The following INPP5A variants were observed in gnomAD, a reference collection of about 807,000 sequenced individuals.
The protein encoded by INPP5A is inositol polyphosphate-5-phosphatase A.
A neutral mutation model predicts 65.2 loss-of-function variants in INPP5A; 14 were observed. The observed-to-expected ratio is 0.21, with a 90% CI of 0.14 to 0.34. The LOEUF (loss-of-function observed/expected upper bound fraction) is 0.34, where lower values mean the gene tolerates loss of function less well. INPP5A is among the 10% of genes least tolerant of loss of function. The pLI is 1.00. For missense variants in INPP5A, 431 were observed against 545.6 expected (o/e 0.79, Z 2.09); for synonymous variants, 207 against 208.3 (o/e 0.99, Z 0.05).
intron 1 of INPP5A, among the ~76,000 whole-genome samples, chr10:132,559,336 T>G (rs1012917364): frequency 6.6e-6 from 1 of 152,242 alleles, no homozygotes; most frequent in African/African-American, 2.4e-5. Context: ...GTTGGCTGCA[T>G]TTATTGTTGT....
chr10:132,565,649 ATG>A (rs1261022647), intron 1 of INPP5A, among the ~76,000 whole-genome samples: 1 of 150,884 alleles, frequency 6.6e-6, no homozygotes, highest in African/African-American at 2.4e-5. Flanking sequence ...GTATATGTGT[ATG>A]TGTGTATGTG....
At chr10:132,743,771 G>T (rs1427538044) in intron 9 of INPP5A, among the ~76,000 whole-genome samples, 1 of 152,174 alleles carries the variant, frequency 6.6e-6, no homozygotes, top group Non-Finnish European at 1.5e-5. Context: ...GAGCGCAGAC[G>T]TTACCCTCCC....
In INPP5A at chr10:132,644,531, G is replaced by T. The variant is rs1367081369; in HGVS notation, c.118-1337G>T. ...ACCGTGGCCGCTGGGCTCCTGGGAGGTGGGCCATGCCCACAGCTCCACCTG... is the reference window on the plus strand; with the variant it reads ...ACCGTGGCCGCTGGGCTCCTGGGAGTTGGGCCATGCCCACAGCTCCACCTG... On this transcript the variant is annotated intron_variant, in intron 2 of 15. Transcript: ENST00000368594. The surrounding 1 kb of genome is among the most constrained non-coding windows in gnomAD (Gnocchi z 6.5). Among the ~76,000 whole-genome samples, 5 of 152,254 alleles carry T rather than the reference G, an allele frequency of 3.3e-5. No individual in the cohort carries two copies. The highest frequency in any genetic ancestry group is 1.2e-4 in the African/African-American group (5 of 41,466).
In INPP5A at chr10:132,705,543, G is replaced by A. The variant is rs562263884; in HGVS notation, c.475-2770G>A. On this transcript the variant is annotated intron_variant, in intron 6 of 15. Coordinates refer to ENST00000368594, the MANE Select transcript of INPP5A (RefSeq NM_005539.5). This position sits in a 1 kb window ranked among gnomAD's most constrained non-coding sequence, Gnocchi z 4.9. ...TCGACGAGTAGAGCCATAGCCTGGC[G>A]TCCAAGTGCGTGGCCAGGCCGGGAG... Among the ~76,000 whole-genome samples the A allele has an allele frequency of 3.0e-4, 45 of 152,384 alleles. No homozygotes were observed. Among genetic ancestry groups the A allele is most frequent in the Non-Finnish European group, 4.9e-4 (33 of 68,040 alleles).
At chr10:132,717,228 T>C (rs1023596410) in intron 8 of INPP5A, among the ~76,000 whole-genome samples, 3 of 152,338 alleles carry the variant, frequency 2.0e-5, no homozygotes, top group African/African-American at 7.2e-5. Context: ...CCCTTCCTCT[T>C]GCATCAGGGC....
chr10:132,591,102 T>A (rs1328218344), intron 1 of INPP5A, among the ~76,000 whole-genome samples: 3 of 152,216 alleles, frequency 2.0e-5, no homozygotes, highest in African/African-American at 7.2e-5. Flanking sequence ...CCTTTGCCCG[T>A]TTTTCCATCA....
intron 13 of INPP5A, 65 bp from the exon 14 acceptor site, chr10:132,780,784 C>A: frequency 7.8e-7 from 1 of 1,286,996 alleles, no homozygotes; most frequent in East Asian, 2.3e-5. Context: ...TCCTGCCAGT[C>A]AGCTCCCAAC....
chr10:132,744,608 T>C (rs1417663213), intron 9 of INPP5A, among the ~76,000 whole-genome samples: 1 of 152,240 alleles, frequency 6.6e-6, no homozygotes, highest in Non-Finnish European at 1.5e-5. Flanking sequence ...AAGAACGCAC[T>C]AGAATCTGCC....
At chr10:132,607,545 C>A (rs1487433588) in intron 1 of INPP5A, among the ~76,000 whole-genome samples, 3 of 152,244 alleles carry the variant, frequency 2.0e-5, no homozygotes, top group African/African-American at 7.2e-5. Context: ...AAAGGTGCCA[C>A]CGTCTTGCTT....
intron 1 of INPP5A, among the ~76,000 whole-genome samples, chr10:132,562,431 C>G (rs2071218508): frequency 6.6e-6 from 1 of 152,232 alleles, no homozygotes; most frequent in Admixed American, 6.5e-5. Context: ...GTGGCTCCCC[C>G]CATGAGGTGC....
chr10:132,651,506 G>A lies in INPP5A; in HGVS notation c.306+1001G>A, dbSNP rs1024893687. 1.3e-5 allele frequency among the ~76,000 whole-genome samples: 2 copies of A among 151,828 alleles called. No homozygotes were observed. The highest frequency in any genetic ancestry group is 2.9e-5 in the Non-Finnish European group (2 of 67,898). On this transcript the variant is annotated intron_variant, in intron 4 of 15. Coordinates refer to ENST00000368594, the MANE Select transcript of INPP5A (RefSeq NM_005539.5). The surrounding 1 kb of genome is among the most constrained non-coding windows in gnomAD (Gnocchi z 5.0). ...TCTCTGGGGAGGCCCTGGGTCCCCCGGCCTGGTTCCATCTCCCCCGTCTCT... is the reference window on the plus strand; with the variant it reads ...TCTCTGGGGAGGCCCTGGGTCCCCCAGCCTGGTTCCATCTCCCCCGTCTCT...
At chr10:132,615,888 G>A (rs1383197461) in intron 2 of INPP5A, among the ~76,000 whole-genome samples, 1 of 152,170 alleles carries the variant, frequency 6.6e-6, no homozygotes, top group Non-Finnish European at 1.5e-5. Context: ...CTGGGCGGCT[G>A]GGATAAACAA....
At chr10:132,617,435 C>T (rs1181367823) in intron 2 of INPP5A, among the ~76,000 whole-genome samples, 1 of 152,198 alleles carries the variant, frequency 6.6e-6, no homozygotes, top group African/African-American at 2.4e-5. Context: ...CTCACACTCA[C>T]ACACGCTCAC....
In INPP5A at chr10:132,566,428, C is replaced by T. The variant is rs562231864; in HGVS notation, c.75+28257C>T. Among the ~76,000 whole-genome samples the T allele has an allele frequency of 7.9e-5, 12 of 152,228 alleles. No homozygotes were observed. The South Asian group carries it at 1.9e-3, about 24-fold the overall frequency. ...ACGGAGGCCCGACAGAAGGTGGCAC[C>T]GTGAAAACAGCTGTGCAGTTGTCTT... On this transcript the variant is annotated intron_variant, in intron 1 of 15. Coordinates refer to ENST00000368594, the MANE Select transcript of INPP5A (RefSeq NM_005539.5).
chr10:132,763,254 G>T (rs1846765768), intron 11 of INPP5A, among the ~76,000 whole-genome samples: 1 of 152,192 alleles, frequency 6.6e-6, no homozygotes, highest in Non-Finnish European at 1.5e-5. Flanking sequence ...GGGAAATCTG[G>T]GCTCCTAGTC....
At chr10:132,671,915 G>C (rs575571265) in intron 4 of INPP5A, among the ~76,000 whole-genome samples, 2 of 152,194 alleles carry the variant, frequency 1.3e-5, no homozygotes, top group African/African-American at 4.8e-5. Flanking sequence ...AGGGGACAGC[G>C]CAGGAAAGGC....
At chr10:132,582,863 A>C (rs564963242) in intron 1 of INPP5A, among the ~76,000 whole-genome samples, 2 of 152,376 alleles carry the variant, frequency 1.3e-5, no homozygotes, top group South Asian at 4.1e-4. Context: ...TAAGTCTTAC[A>C]GTCAGTGCAC....
intron 2 of INPP5A, among the ~76,000 whole-genome samples, chr10:132,640,400 G>A (rs148066213): frequency 4.1e-4 from 62 of 152,356 alleles, no homozygotes; most frequent in African/African-American, 1.4e-3. Context: ...GCCCCACACC[G>A]TCCGGCTAGC....
chr10:132,754,916 A>T (rs1164547716), intron 11 of INPP5A, among the ~76,000 whole-genome samples: 1 of 151,226 alleles, frequency 6.6e-6, no homozygotes, highest in African/African-American at 2.4e-5. Flanking sequence ...AGCCTGTAGG[A>T]GTATGCATGA....
Sources: gnomAD v4.1 joint callset for allele counts (sites outside exome capture counted in the v4.1 genomes callset) on GRCh38, gnomAD v4.1.1 for gene constraint, Gnocchi (gnomAD v3.1) non-coding constraint, MANE v1.5 for transcripts, NCBI Gene and HGNC (gene_info 2026-07-23, HGNC 2026-07-21) for gene names.